The following LMTK3 variants were observed in gnomAD, a reference collection of about 807,000 sequenced individuals.
The protein encoded by LMTK3 is lemur tail kinase 3.
LMTK3 carries 27 observed loss-of-function variants against 116.7 expected under a neutral mutation model. The ratio of observed to expected loss-of-function variants is 0.23; its 90% CI spans 0.17 to 0.32. The LOEUF (loss-of-function observed/expected upper bound fraction) is 0.32, where lower values mean the gene tolerates loss of function less well. Among genes scored for constraint, LMTK3 ranks in the 10% least tolerant of loss-of-function variants. LMTK3 has a pLI of 1.00. For missense variants in LMTK3, 1,764 were observed against 2,068.5 expected (o/e 0.85, Z 2.86); for synonymous variants, 965 against 971.0 (o/e 0.99, Z 0.11).
chr19:48,498,509 C>G lies in LMTK3; in HGVS notation c.2560G>C (p.Val854Leu), dbSNP rs1972380935. 1.9e-6 allele frequency: 3 copies of G among 1,588,184 alleles called. No homozygotes were observed. In the East Asian group the frequency reaches 6.9e-5, roughly 37 times the overall value. The stretch of plus-strand genomic sequence containing the variant: ...AGCTGTTCCGTGCTCACTTGAACCA[C>G]GAAGGTCGGCTTCTCCCGGGGCCCC... Reference protein sequence around the residue: ...LPGPREKPTFVVQVSTEQLLM... With the variant: ...LPGPREKPTFLVQVSTEQLLM... The change falls in exon 11 of 15, where the codon GTG becomes CTG. Residue 854 changes from valine to leucine, a missense_variant. Val to Leu is a conservative substitution (Grantham distance 32, BLOSUM62 1). Around this residue, in one of 7 missense-constraint regions of LMTK3, gnomAD observed 1,028 missense variants for 1,050.6 expected, o/e 0.98. Transcript: ENST00000600059.
In LMTK3 at chr19:48,500,172, C is replaced by T. The variant is rs1255962491; in HGVS notation, c.1152-255G>A. ...GCGTGGTGGCTCACGCCTGTAATCC[C>T]AGCACTTTGGGAGGCTGAGGCCGGT... On this transcript the variant is annotated intron_variant, in intron 10 of 14. Coordinates refer to ENST00000600059, the MANE Select transcript of LMTK3 (RefSeq NM_001388485.1). The surrounding 1 kb of genome is among the most constrained non-coding windows in gnomAD (Gnocchi z 4.0). Among the ~76,000 whole-genome samples, 1 of 150,890 alleles carries T rather than the reference C, an allele frequency of 6.6e-6. No individual in the cohort carries two copies. The highest frequency in any genetic ancestry group is 6.6e-5 in the Admixed American group (1 of 15,138).
At position 48,499,858 on chromosome 19, in the gene LMTK3, A is replaced by G; in HGVS notation, c.1211T>C (p.Leu404Pro). The G allele has an allele frequency of 6.3e-7, 1 of 1,594,974 alleles. No individual in the cohort carries two copies. ...PPAQRPSASD[L>P]QLQLTYLLSE... ...GAGCAAGTAGGTGAGCTGCAATTGGAGATCAGAGGCTGAAGGGCGCTGGGC... is the reference window on the plus strand; with the variant it reads ...GAGCAAGTAGGTGAGCTGCAATTGGGGATCAGAGGCTGAAGGGCGCTGGGC... The change falls in exon 11 of 15, where the codon CTC becomes CCC. Residue 404 changes from leucine (L) to proline (P), a missense_variant. This residue lies in a region of LMTK3 where 271 missense variants were observed against 478.2 expected (regional missense o/e 0.57). Transcript: ENST00000600059.
In LMTK3 at chr19:48,511,620, A is replaced by AGGTGGGGGGGGGGGGGGGG; in HGVS notation, c.-45_-44insCCCCCCCCCCCCCCCCACC. 1 of 118,226 alleles carries AGGTGGGGGGGGGGGGGGGG rather than the reference A, an allele frequency of 8.5e-6. No individual in the cohort carries two copies. The highest frequency in any genetic ancestry group is 1.0e-4 in the African/African-American group (1 of 9,908). 7.3% of individuals were successfully genotyped at this position (118,226 alleles called of 1,614,324 possible). A position where few individuals can be genotyped will look rare whatever the true frequency, so the allele number is the denominator to read the frequency against. On this transcript the variant is annotated 5_prime_UTR_variant, in exon 1 of 15. Coordinates refer to ENST00000600059, the MANE Select transcript of LMTK3 (RefSeq NM_001388485.1). ...GAGGTGGAGGTGGTGGCGGCTGGGGAGGAGGGGGGGGCGGGCCCTCAGCCC... is the reference window on the plus strand; with the variant it reads ...GAGGTGGAGGTGGTGGCGGCTGGGGAGGTGGGGGGGGGGGGGGGGGGAGGGGGGGGCGGGCCCTCAGCCC...
Position 48,493,770 on chromosome 19 carries a change from G to A in LMTK3, c.4016C>T (p.Pro1339Leu). ...LLKSPRGADE[P>L]EDSELERKRK... Reference sequence around the variant, plus strand: ...CTTCCTCTCCAGCTCGCTGTCCTCTGGCTCGTCGGCCCCGCGCGGAGACTT... The same window carrying A: ...CTTCCTCTCCAGCTCGCTGTCCTCTAGCTCGTCGGCCCCGCGCGGAGACTT... The change falls in exon 12 of 15, where the codon CCA (proline) becomes CTA (leucine). Residue 1339 changes from proline to leucine, a missense_variant. This residue lies in a region of LMTK3 where 281 missense variants were observed against 301.4 expected (regional missense o/e 0.93). Transcript: ENST00000600059. The A allele has an allele frequency of 7.7e-6, 12 of 1,549,638 alleles. No individual in the cohort carries two copies. The highest frequency in any genetic ancestry group is 1.0e-5 in the Non-Finnish European group (12 of 1,148,918).
In LMTK3 at chr19:48,497,629, G is replaced by A. The variant is rs1476045084; in HGVS notation, c.3440C>T (p.Pro1147Leu). The change falls in exon 11 of 15, where the codon CCG (proline) becomes CTG (leucine). Residue 1147 changes from proline (P) to leucine (L), a missense_variant. Around this residue, in one of 7 missense-constraint regions of LMTK3, gnomAD observed 1,028 missense variants for 1,050.6 expected, o/e 0.98. Transcript: ENST00000600059. The surrounding 1 kb of genome is among the most constrained non-coding windows in gnomAD (Gnocchi z 5.7). ...CTCCGGTGGCGGTGGCAGCGGTGGC[G>A]GCGGTGGCTGCGGCCTCGTGTTGTC... Reference protein sequence around the residue: ...WVDNTRPQPPPPPLPPPPEAQ... With the variant: ...WVDNTRPQPPLPPLPPPPEAQ... 13 of 1,270,214 alleles carry A rather than the reference G, an allele frequency of 1.0e-5. No individual in the cohort carries two copies. The highest frequency in any genetic ancestry group is 2.3e-4 in the Middle Eastern group (1 of 4,266). 78.7% of individuals were successfully genotyped at this position (1,270,214 alleles called of 1,614,324 possible).
At chr19:48,495,314 G>A (rs926777488) in intron 11 of LMTK3, among the ~76,000 whole-genome samples, 5 of 152,122 alleles carry the variant, frequency 3.3e-5, no homozygotes, top group Non-Finnish European at 5.9e-5. Context: ...CCAGCCTAGA[G>A]GGGGTTTTTC....
rs766587506 is a variant in LMTK3 at position 48,499,500 on chromosome 19, C to A, written c.1569G>T (p.Val523=). The change falls in exon 11 of 15, where the codon GTG becomes GTT. Residue 523 remains valine, a synonymous_variant. Coordinates refer to ENST00000600059, the MANE Select transcript of LMTK3 (RefSeq NM_001388485.1). ...GGCTGCGGGCGCTGATGACAGGCAG[C>A]ACGCTGGGCGTGGACAGCGCCTCGT... The part of the protein sequence containing the change: ...PFYEALSTPS[V]LPVISARSPS... 26 of 1,474,430 alleles carry A rather than the reference C, an allele frequency of 1.8e-5. 1 individual carries two copies. The South Asian group carries it at 3.4e-4, about 19-fold the overall frequency. 91.3% of individuals were successfully genotyped at this position (1,474,430 alleles called of 1,614,324 possible).
At chr19:48,509,022 C>G in intron 4 of LMTK3, 53 bp from the exon 5 acceptor site, 3 of 1,252,648 alleles carry the variant, frequency 2.4e-6, no homozygotes, top group Middle Eastern at 2.2e-4. Flanking sequence ...AGCCCCGTCC[C>G]CTGGGACCAG....
chr19:48,499,152 T>C lies in LMTK3; in HGVS notation c.1917A>G (p.Glu639=). 1 of 1,534,114 alleles carries C rather than the reference T, an allele frequency of 6.5e-7. No homozygotes were observed. The highest frequency in any genetic ancestry group is 8.7e-7 in the Non-Finnish European group (1 of 1,143,642). The change falls in exon 11 of 15, where the codon GAA becomes GAG. Residue 639 remains glutamate (E), a synonymous_variant. Transcript: ENST00000600059. The part of the protein sequence containing the change: ...LGERGTAPWV[E]EEEEEEEGSS... ...TGCCCTCCTCCTCCTCCTCTTCTTCTTCCACCCACGGGGCGGTCCCCCGCT... is the reference window on the plus strand; with the variant it reads ...TGCCCTCCTCCTCCTCCTCTTCTTCCTCCACCCACGGGGCGGTCCCCCGCT...
Position 48,491,249 on chromosome 19 carries a change from C to A in LMTK3, c.4229-4G>T. The A allele has an allele frequency of 7.1e-7, 1 of 1,398,642 alleles. No individual in the cohort carries two copies. Among genetic ancestry groups the A allele is most frequent in the East Asian group, 2.9e-5 (1 of 34,898 alleles). The allele number at this position is 1,398,642 out of a possible 1,614,324, so 86.6% of individuals were successfully genotyped here. On this transcript the variant is annotated splice_polypyrimidine_tract_variant and splice_region_variant and intron_variant, in intron 13 of 14. Transcript: ENST00000600059. The surrounding 1 kb of genome is among the most constrained non-coding windows in gnomAD (Gnocchi z 5.1). ...TCCGCCCACTCGAAACTGCCTCCTGCGGCAGAAGGAAAGACCGCGGTCAGG... is the reference window on the plus strand; with the variant it reads ...TCCGCCCACTCGAAACTGCCTCCTGAGGCAGAAGGAAAGACCGCGGTCAGG...
intron 5 of LMTK3, 79 bp downstream of exon 5, chr19:48,508,772 G>T: frequency 9.2e-7 from 1 of 1,084,862 alleles, no homozygotes. Flanking sequence ...TAGATTCCAG[G>T]TGTGACCCCA....
chr19:48,507,584 T>C (rs1374664707), intron 5 of LMTK3, among the ~76,000 whole-genome samples: 1 of 152,190 alleles, frequency 6.6e-6, no homozygotes, highest in Non-Finnish European at 1.5e-5. Context: ...TTTAATTTGA[T>C]TGCATTTTAA....
In LMTK3 at chr19:48,500,857, G is replaced by A. The variant is rs570821690; in HGVS notation, c.1151+139C>T. On this transcript the variant is annotated intron_variant, in intron 10 of 14. Coordinates refer to ENST00000600059, the MANE Select transcript of LMTK3 (RefSeq NM_001388485.1). The surrounding 1 kb of genome is among the most constrained non-coding windows in gnomAD (Gnocchi z 4.0). ...GCAAGTAGCAGATGCTGGCAGAAAGGGTGGGGACAGCCCCTCTTCACTCTT... is the reference window on the plus strand; with the variant it reads ...GCAAGTAGCAGATGCTGGCAGAAAGAGTGGGGACAGCCCCTCTTCACTCTT... 2.6e-5 allele frequency: 21 copies of A among 820,536 alleles called. No individual in the cohort carries two copies. In the South Asian group the frequency reaches 4.1e-4, roughly 16 times the overall value. The allele number at this position is 820,536 out of a possible 1,614,324, so 50.8% of individuals were successfully genotyped here. A position where few individuals can be genotyped will look rare whatever the true frequency, so the allele number is the denominator to read the frequency against.
chr19:48,504,815 T>C (rs897939232), intron 5 of LMTK3, among the ~76,000 whole-genome samples: 1 of 152,212 alleles, frequency 6.6e-6, no homozygotes, highest in Admixed American at 6.5e-5. Context: ...CCCGAAGTGC[T>C]GGGATTACAG....
rs1412419053 is a variant in LMTK3, at chr19:48,485,514, T to C, written c.*259A>G. ...TTCAGTTCCGAGAAAGGCGGCTCTC[T>C]ATGGAGGGGCGGGGGGATTCCTGCC... On this transcript the variant is annotated 3_prime_UTR_variant, in exon 15 of 15. Coordinates refer to ENST00000600059, the MANE Select transcript of LMTK3 (RefSeq NM_001388485.1). The C allele has an allele frequency of 4.6e-5, 23 of 496,562 alleles. No individual in the cohort carries two copies. The highest frequency in any genetic ancestry group is 7.4e-5 in the Non-Finnish European group (21 of 282,160). 30.8% of individuals were successfully genotyped at this position (496,562 alleles called of 1,614,324 possible).
At chr19:48,503,829 T>C (rs139451217) in intron 5 of LMTK3, among the ~76,000 whole-genome samples, 5,400 of 151,008 alleles carry the variant, frequency 0.036, 337 homozygotes, top group African/African-American at 0.12. Context: ...CTTCCTTGCT[T>C]CCTCCCTCCC....
rs1445932674 is a variant in LMTK3, at chr19:48,501,312, C to G, written c.972G>C (p.Val324=). 2 of 1,613,490 alleles carry G rather than the reference C, an allele frequency of 1.2e-6. No individual in the cohort carries two copies. Among genetic ancestry groups the G allele is most frequent in the Non-Finnish European group, 1.7e-6 (2 of 1,179,800 alleles). The change falls in exon 9 of 15, where the codon GTG becomes GTC. Residue 324 remains valine (V), a synonymous_variant. Transcript: ENST00000600059. ...TGTTGCTCTCGCGGCTCTGGTCCAC[C>G]ACCATGAAGGTCCCGTGGAGCTCCC... ...LLGELHGTFM[V]VDQSRESNIW...
At position 48,485,583 on chromosome 19, in the gene LMTK3, G is replaced by A. The variant is rs1972107400; in HGVS notation, c.*190C>T. ...GTCAGGGGGGTCAGGGGAGCCATCTGGGGGGCTGGGGGGCGGGGGCCCGGG... is the reference window on the plus strand; with the variant it reads ...GTCAGGGGGGTCAGGGGAGCCATCTAGGGGGCTGGGGGGCGGGGGCCCGGG... On this transcript the variant is annotated 3_prime_UTR_variant, in exon 15 of 15. Transcript: ENST00000600059. 3.3e-6 allele frequency: 2 copies of A among 608,442 alleles called. No homozygotes were observed. Among genetic ancestry groups the A allele is most frequent in the Admixed American group, 5.8e-5 (2 of 34,406 alleles). 37.7% of individuals were successfully genotyped at this position (608,442 alleles called of 1,614,324 possible).
rs1349512678 is a variant in LMTK3, at chr19:48,494,556, C to G, written c.3677-447G>C. On this transcript the variant is annotated intron_variant, in intron 11 of 14. Transcript: ENST00000600059. The surrounding 1 kb of genome is among the most constrained non-coding windows in gnomAD (Gnocchi z 4.0). Reference sequence around the variant, plus strand: ...ATGCTGGCCAGGCTGGTCTTGAACTCCTGACCTTATGATCTGCCCTCTTTG... The same window carrying G: ...ATGCTGGCCAGGCTGGTCTTGAACTGCTGACCTTATGATCTGCCCTCTTTG... Among the ~76,000 whole-genome samples the G allele has an allele frequency of 6.6e-6, 1 of 152,174 alleles. No homozygotes were observed. The highest frequency in any genetic ancestry group is 1.9e-4 in the East Asian group (1 of 5,198).
Sources: gnomAD v4.1 joint callset for allele counts (sites outside exome capture counted in the v4.1 genomes callset) on GRCh38, gnomAD v4.1.1 for gene constraint, gnomAD v4.1.1 regional missense constraint, Gnocchi (gnomAD v3.1) non-coding constraint, MANE v1.5 for transcripts, NCBI Gene and HGNC (gene_info 2026-07-23, HGNC 2026-07-21) for gene names.